Variants in LUZP2 observed in about 807,000 individuals in gnomAD.
The protein encoded by LUZP2 is leucine zipper protein 2.
In LUZP2, 52 loss-of-function variants were observed where a neutral mutation model predicts 51.6. The ratio of observed to expected loss-of-function variants is 1.01; its 90% CI spans 0.81 to 1.27. LUZP2 has a LOEUF of 1.27. Ranked by LOEUF, LUZP2 falls within the 50% of genes most tolerant of loss-of-function variation. The pLI, the probability that LUZP2 is intolerant of heterozygous loss-of-function variation, is 0.00. For missense variants in LUZP2, 436 were observed against 395.4 expected, an observed-to-expected ratio of 1.10 and a Z score of -0.87; for synonymous variants, 154 against 137.3, an observed-to-expected ratio of 1.12 and a Z score of -0.85.
intron 5 of LUZP2, among the ~76,000 whole-genome samples, chr11:24,822,561 A>G (rs184516872): frequency 5.7e-4 from 86 of 151,968 alleles, no homozygotes; most frequent in African/African-American, 2.1e-3. Context: ...ATTCTTTGTG[A>G]TGGTTATTGT....
At chr11:24,784,203 A>T (rs2134080346) in intron 5 of LUZP2, among the ~76,000 whole-genome samples, 1 of 152,126 alleles carries the variant, frequency 6.6e-6, no homozygotes, top group East Asian at 1.9e-4. Flanking sequence ...TGAATCCCTT[A>T]AATGAAAATA....
At chr11:24,950,936 T>C (rs1056024808) in intron 7 of LUZP2, among the ~76,000 whole-genome samples, 3 of 151,532 alleles carry the variant, frequency 2.0e-5, no homozygotes, top group East Asian at 1.9e-4. Flanking sequence ...AGTTTTTTTT[T>C]GTGTTATAGT....
At chr11:24,970,750 A>C (rs1488795549) in intron 7 of LUZP2, among the ~76,000 whole-genome samples, 1 of 152,206 alleles carries the variant, frequency 6.6e-6, no homozygotes, top group Admixed American at 6.5e-5. Context: ...GCTATCCTTT[A>C]GAATCTAGCT....
intron 7 of LUZP2, among the ~76,000 whole-genome samples, chr11:24,962,715 C>G (rs1053296735): frequency 1.3e-4 from 20 of 152,060 alleles, no homozygotes; most frequent in Non-Finnish European, 2.1e-4. Context: ...TTTGAATTTC[C>G]TCCTGTAGCT....
chr11:24,608,377 G>C (rs1027544995), intron 1 of LUZP2, among the ~76,000 whole-genome samples: 2 of 152,074 alleles, frequency 1.3e-5, no homozygotes, highest in African/African-American at 2.4e-5. Flanking sequence ...TAAAACTTTT[G>C]ATTTCTGTTA....
At chr11:25,026,226 G>T (rs181148037) in intron 9 of LUZP2, among the ~76,000 whole-genome samples, 3,160 of 152,030 alleles carry the variant, frequency 0.021, 52 homozygotes, top group South Asian at 0.082. Context: ...CACCAACATG[G>T]CACATGTATA....
At chr11:24,749,135 A>G (rs991928408) in intron 4 of LUZP2, among the ~76,000 whole-genome samples, 1 of 152,190 alleles carries the variant, frequency 6.6e-6, no homozygotes, top group African/African-American at 2.4e-5. Flanking sequence ...CTATAGAAAC[A>G]GCTTACAGTA....
At chr11:24,940,209 G>A (rs1265534799) in intron 7 of LUZP2, among the ~76,000 whole-genome samples, 1 of 152,112 alleles carries the variant, frequency 6.6e-6, no homozygotes, top group Non-Finnish European at 1.5e-5. Flanking sequence ...GCAATTTAAT[G>A]AGAATGGAAA....
chr11:24,713,694 T>TG (rs1590386250), intron 1 of LUZP2, among the ~76,000 whole-genome samples: 1 of 143,894 alleles, frequency 6.9e-6, no homozygotes, highest in East Asian at 2.1e-4. Flanking sequence ...TTTTTTTTTT[T>TG]TTTTTTTTTT....
chr11:24,898,843 A>G (rs1465620662), intron 5 of LUZP2, among the ~76,000 whole-genome samples: 3 of 152,272 alleles, frequency 2.0e-5, no homozygotes, highest in Admixed American at 2.0e-4. Flanking sequence ...AGTAGGTGGC[A>G]AATGAAGGCA....
intron 5 of LUZP2, among the ~76,000 whole-genome samples, chr11:24,857,575 T>TTA (rs1232458920): frequency 6.7e-6 from 1 of 149,130 alleles, no homozygotes; most frequent in Non-Finnish European, 1.5e-5. Flanking sequence ...TTTTTTTTTT[T>TTA]ATCTTTAGGA....
At chr11:24,537,654 C>T (rs201982456) in intron 1 of LUZP2, among the ~76,000 whole-genome samples, 8 of 151,536 alleles carry the variant, frequency 5.3e-5, no homozygotes, top group African/African-American at 1.7e-4. Context: ...TGAAGCAAAA[C>T]GTGTTAAATT....
At position 24,923,253 on chromosome 11, in the gene LUZP2, A is replaced by G. The variant is rs530834056; in HGVS notation, c.522+8715A>G. ...AGGTGATTTACAGATTATATCTTTT[A>G]GAAGTTATTTCTTCTAATGTACTCA... is the stretch of plus-strand genomic sequence containing the variant. On this transcript the variant is annotated intron_variant, in intron 7 of 11. Transcript: ENST00000336930. Among the ~76,000 whole-genome samples the G allele has an allele frequency of 5.3e-5, 8 of 152,212 alleles. No homozygotes were observed. In the South Asian group the frequency reaches 1.7e-3, roughly 32 times the overall value.
chr11:24,795,330 A>G (rs985256542), intron 5 of LUZP2, among the ~76,000 whole-genome samples: 3 of 152,080 alleles, frequency 2.0e-5, no homozygotes, highest in African/African-American at 7.2e-5. Flanking sequence ...TCAGCATTGC[A>G]ATATTTATCT....
chr11:24,746,706 C>G (rs781569293), intron 4 of LUZP2, among the ~76,000 whole-genome samples: 1 of 152,136 alleles, frequency 6.6e-6, no homozygotes, highest in African/African-American at 2.4e-5. Context: ...GGTTTGGTTG[C>G]TCAGCATAAT....
intron 4 of LUZP2, among the ~76,000 whole-genome samples, chr11:24,751,708 TAA>T (rs200341886): frequency 9.0e-4 from 117 of 130,306 alleles, no homozygotes; most frequent in African/African-American, 2.7e-3. Flanking sequence ...AATTGAAAAT[TAA>T]AAAAAAAAAA....
intron 7 of LUZP2, among the ~76,000 whole-genome samples, chr11:24,960,211 C>CT (rs1855349682): frequency 6.6e-6 from 1 of 152,088 alleles, no homozygotes; most frequent in African/African-American, 2.4e-5. Context: ...CTAAAATTCT[C>CT]TTTTTTTGTT....
intron 7 of LUZP2, among the ~76,000 whole-genome samples, chr11:24,962,456 G>T (rs1458422991): frequency 6.6e-6 from 1 of 152,140 alleles, no homozygotes; most frequent in Admixed American, 6.5e-5. Flanking sequence ...TGGAGGCTTT[G>T]TTCATTTCTT....
intron 5 of LUZP2, among the ~76,000 whole-genome samples, chr11:24,772,727 G>C (rs1189441187): frequency 6.6e-6 from 1 of 152,158 alleles, no homozygotes; most frequent in East Asian, 1.9e-4. Context: ...TGGATCCACA[G>C]TGTCAACAGG....
Sources: gnomAD v4.1 joint callset for allele counts (sites outside exome capture counted in the v4.1 genomes callset) on GRCh38, gnomAD v4.1.1 for gene constraint, MANE v1.5 for transcripts, NCBI Gene and HGNC (gene_info 2026-07-23, HGNC 2026-07-21) for gene names.